ATP6V0A4: variants seen among roughly 807,000 people sequenced by gnomAD.
The protein encoded by ATP6V0A4 is V-type proton ATPase 116 kDa subunit a 4.
Under a neutral mutation model 107.3 loss-of-function variants are expected in ATP6V0A4, and 86 were observed. The observed-to-expected ratio is 0.80, with a 90% CI of 0.67 to 0.96. ATP6V0A4 has a LOEUF of 0.96. ATP6V0A4 is among the 40% of genes least tolerant of loss of function. The pLI, the probability that ATP6V0A4 is intolerant of heterozygous loss-of-function variation, is 0.00. For synonymous variants in ATP6V0A4, 353 were observed against 381.4 expected (o/e 0.93, Z 0.87); for missense variants, 908 against 1,045.6 (o/e 0.87, Z 1.81).
chr7:138,716,253 T>A (rs150299652), intron 19 of ATP6V0A4, among the ~76,000 whole-genome samples: 1 of 152,102 alleles, frequency 6.6e-6, no homozygotes, highest in East Asian at 1.9e-4. Context: ...TATCACCTAG[T>A]CAAGTCGGAA....
chr7:138,777,729 TAAAAA>T (rs1488656939), intron 2 of ATP6V0A4, among the ~76,000 whole-genome samples: 5 of 149,210 alleles, frequency 3.4e-5, no homozygotes, highest in African/African-American at 1.0e-4. Flanking sequence ...TCCCAACCAG[TAAAAA>T]TAAAAACCCT....
At chr7:138,750,310 A>T (rs923285831) in intron 11 of ATP6V0A4, among the ~76,000 whole-genome samples, 2 of 151,930 alleles carry the variant, frequency 1.3e-5, no homozygotes, top group Non-Finnish European at 2.9e-5. Context: ...GAGTGCAGTA[A>T]CATGATCATA....
At chr7:138,793,300 T>A (rs374111291) in intron 1 of ATP6V0A4, among the ~76,000 whole-genome samples, 19 of 152,074 alleles carry the variant, frequency 1.2e-4, no homozygotes, top group African/African-American at 4.1e-4. Flanking sequence ...ATCTCAAAAA[T>A]ATAAAAGAGA....
intron 5 of ATP6V0A4, among the ~76,000 whole-genome samples, chr7:138,768,355 CCAGT>C (rs1342973967): frequency 2.0e-5 from 3 of 152,162 alleles, no homozygotes; most frequent in Admixed American, 6.6e-5. Flanking sequence ...CCTACAGAAG[CCAGT>C]CAGAGAAGCA....
At chr7:138,726,363 T>C (rs1392320323) in intron 18 of ATP6V0A4, among the ~76,000 whole-genome samples, 3 of 152,206 alleles carry the variant, frequency 2.0e-5, no homozygotes, top group Non-Finnish European at 4.4e-5. Context: ...CCTGGGTTCA[T>C]AGCAGCAAGT....
At chr7:138,717,231 C>G (rs1378587395) in intron 19 of ATP6V0A4, among the ~76,000 whole-genome samples, 1 of 152,156 alleles carries the variant, frequency 6.6e-6, no homozygotes, top group Non-Finnish European at 1.5e-5. Context: ...GAGACTGCAT[C>G]TGCAGGAGGA....
intron 18 of ATP6V0A4, 39 bp downstream of exon 18, chr7:138,728,722 T>A: frequency 6.2e-7 from 1 of 1,613,208 alleles, no homozygotes; most frequent in Middle Eastern, 1.6e-4. Flanking sequence ...ACCCACATTC[T>A]TATGCAAAGT....
At position 138,755,885 on chromosome 7, in the gene ATP6V0A4, C is replaced by A. The variant is rs1030388343; in HGVS notation, c.723-103G>T. ...TCGTTTGCTGACTTTAGTTAGATGG[C>A]CAGCCTATCCTAGAATAACTGCGTC... On this transcript the variant is annotated intron_variant, in intron 9 of 21. Coordinates refer to ENST00000310018, the MANE Select transcript of ATP6V0A4 (RefSeq NM_020632.3). 2.5e-5 allele frequency: 38 copies of A among 1,540,880 alleles called. No homozygotes were observed. The African/African-American group carries it at 5.0e-4, about 20-fold the overall frequency.
chr7:138,787,709 A>G (rs147003749), intron 1 of ATP6V0A4, among the ~76,000 whole-genome samples: 1 of 152,280 alleles, frequency 6.6e-6, no homozygotes. Flanking sequence ...TCAAAAAAGA[A>G]AAAAGAGGCC....
chr7:138,777,627 A>ATACACAC (rs1403926650), intron 2 of ATP6V0A4, among the ~76,000 whole-genome samples: 1 of 140,368 alleles, frequency 7.1e-6, no homozygotes. Flanking sequence ...AAAAAAAAAA[A>ATACACAC]AAAAATACAC....
At chr7:138,744,347 C>T (rs1407961544) in intron 14 of ATP6V0A4, among the ~76,000 whole-genome samples, 1 of 150,076 alleles carries the variant, frequency 6.7e-6, no homozygotes, top group Non-Finnish European at 1.5e-5. Context: ...AAGCAGTTCT[C>T]GTGCCTTGGC....
At chr7:138,730,385 T>TGTGTGG (rs1246692093) in intron 17 of ATP6V0A4, among the ~76,000 whole-genome samples, 72 of 142,300 alleles carry the variant, frequency 5.1e-4, no homozygotes, top group Admixed American at 3.5e-4. Flanking sequence ...TGTGTGTGTG[T>TGTGTGG]GGCTATCCTT....
intron 11 of ATP6V0A4, 129 bp from the exon 12 acceptor site, chr7:138,749,446 CTG>C: frequency 1.0e-6 from 1 of 975,094 alleles, no homozygotes; most frequent in Non-Finnish European, 1.5e-6. Context: ...CTTGATCTCT[CTG>C]AGACTCACGA....
chr7:138,709,575 C>T (rs1332193673), intron 21 of ATP6V0A4, 49 bp downstream of exon 21: 1 of 1,588,468 alleles, frequency 6.3e-7, no homozygotes, highest in South Asian at 1.1e-5. Flanking sequence ...CCACAGCCCA[C>T]TCCCTTTCCC....
intron 11 of ATP6V0A4, among the ~76,000 whole-genome samples, chr7:138,750,320 A>G (rs1047929139): frequency 6.6e-6 from 1 of 151,718 alleles, no homozygotes; most frequent in African/African-American, 2.4e-5. Flanking sequence ...ACATGATCAT[A>G]GCTCACTACA....
intron 4 of ATP6V0A4, 145 bp from the exon 5 acceptor site, chr7:138,769,019 C>G: frequency 1.3e-6 from 2 of 1,565,080 alleles, no homozygotes; most frequent in Non-Finnish European, 1.7e-6. Context: ...GATCCCACCC[C>G]CAACCTCCCC....
intron 2 of ATP6V0A4, among the ~76,000 whole-genome samples, chr7:138,781,843 C>CTT (rs200102016): frequency 4.1e-5 from 3 of 72,800 alleles, no homozygotes; most frequent in South Asian, 5.2e-4. Context: ...CTCTCTCTCT[C>CTT]TTTTTTTTTT....
intron 1 of ATP6V0A4, among the ~76,000 whole-genome samples, chr7:138,792,762 G>GT (rs1563025215): frequency 4.9e-4 from 36 of 73,734 alleles, no homozygotes; most frequent in African/African-American, 2.1e-3. Flanking sequence ...CCAAACTCAG[G>GT]TTTGTTTTTT....
intron 14 of ATP6V0A4, among the ~76,000 whole-genome samples, chr7:138,744,754 G>A (rs1050401705): frequency 6.6e-6 from 1 of 151,684 alleles, no homozygotes; most frequent in African/African-American, 2.4e-5. Flanking sequence ...CCAGGCTGGA[G>A]TGCAGTGGCG....
Sources: gnomAD v4.1 joint callset for allele counts (sites outside exome capture counted in the v4.1 genomes callset) on GRCh38, gnomAD v4.1.1 for gene constraint, MANE v1.5 for transcripts, NCBI Gene and HGNC (gene_info 2026-07-23, HGNC 2026-07-21) for gene names.